Variants in CACNA1C observed in about 807,000 individuals in gnomAD.
The protein encoded by CACNA1C is voltage-dependent L-type calcium channel subunit alpha-1C.
CACNA1C carries 30 observed loss-of-function variants against 229.0 expected under a neutral mutation model. The ratio of observed to expected loss-of-function variants is 0.13; its 90% CI spans 0.10 to 0.18. CACNA1C has a LOEUF of 0.18. Ranked by LOEUF, CACNA1C falls within the 10% of genes least tolerant of loss-of-function variation. The pLI, the probability that CACNA1C is intolerant of heterozygous loss-of-function variation, is 1.00. For synonymous variants in CACNA1C, 1,114 were observed against 1,132.5 expected (o/e 0.98, Z 0.33); for missense variants, 1,658 against 2,845.0 (o/e 0.58, Z 9.49).
Position 2,512,807 on chromosome 12 carries a change from A to G in CACNA1C, c.1218-5A>G, listed in dbSNP as rs1228161630. 3 of 1,606,446 alleles carry G rather than the reference A, an allele frequency of 1.9e-6. No homozygotes were observed. On this transcript the variant is annotated splice_polypyrimidine_tract_variant and splice_region_variant and intron_variant, in intron 8 of 46. Coordinates refer to ENST00000399655, the MANE Select transcript of CACNA1C (RefSeq NM_000719.7). The surrounding 1 kb of genome is among the most constrained non-coding windows in gnomAD (Gnocchi z 4.3). The stretch of plus-strand genomic sequence containing the variant: ...CTGCCCTGCCCCTCCTCTCACTCTC[A>G]CCAGAGAGTTTTCCAAAGAGAGGGA...
intron 1 of CACNA1C, among the ~76,000 whole-genome samples, chr12:2,024,260 G>T (rs1244944861): frequency 6.6e-6 from 1 of 152,216 alleles, no homozygotes; most frequent in Non-Finnish European, 1.5e-5. Flanking sequence ...TCCACGTATG[G>T]CCCAGGAATC....
chr12:2,401,265 G>T (rs1286765914), intron 3 of CACNA1C, among the ~76,000 whole-genome samples: 1 of 152,232 alleles, frequency 6.6e-6, no homozygotes, highest in Non-Finnish European at 1.5e-5. Context: ...CCCAGTGCCA[G>T]GCTGCGCACA....
In CACNA1C at chr12:2,075,024, G is replaced by A. The variant is rs541367498; in HGVS notation, c.49+21413G>A. Among the ~76,000 whole-genome samples, 4 of 152,318 alleles carry A rather than the reference G, an allele frequency of 2.6e-5. No homozygotes were observed. The South Asian group carries it at 8.3e-4, about 32-fold the overall frequency. On this transcript the variant is annotated intron_variant, in intron 1 of 46. Coordinates refer to ENST00000399655, the MANE Select transcript of CACNA1C (RefSeq NM_000719.7). ...CCAGTGGAGACGTCCAAGGGATGTA[G>A]GGCCATTTACTTAACATAAATCAGT...
intron 3 of CACNA1C, among the ~76,000 whole-genome samples, chr12:2,361,884 A>T (rs2097566996): frequency 6.6e-6 from 1 of 152,260 alleles, no homozygotes; most frequent in Non-Finnish European, 1.5e-5. Flanking sequence ...GCTATAACAT[A>T]GCACAGGAAA....
At chr12:2,627,270 T>C (rs1032550270) in intron 29 of CACNA1C, among the ~76,000 whole-genome samples, 1 of 152,212 alleles carries the variant, frequency 6.6e-6, no homozygotes, top group Non-Finnish European at 1.5e-5. Flanking sequence ...TTATGCCTTC[T>C]CCATTAGGTG....
chr12:2,681,996 T>G, intron 42 of CACNA1C: 1 of 1,611,962 alleles, frequency 6.2e-7, no homozygotes. Flanking sequence ...CAGGAGGGAT[T>G]CAGGCTCAGC....
chr12:2,502,956 G>A (rs1195563095), intron 7 of CACNA1C, among the ~76,000 whole-genome samples: 2 of 152,172 alleles, frequency 1.3e-5, no homozygotes, highest in Non-Finnish European at 2.9e-5. Flanking sequence ...GGGGCATGGG[G>A]CAGGAATCTG....
chr12:2,543,181 T>C (rs2099875509), intron 9 of CACNA1C, among the ~76,000 whole-genome samples: 1 of 152,212 alleles, frequency 6.6e-6, no homozygotes, highest in African/African-American at 2.4e-5. Context: ...ACAAGCTTCC[T>C]GTATAGCTTT....
At chr12:2,151,617 ATGGGTCG>A (rs1156784868) in intron 3 of CACNA1C, among the ~76,000 whole-genome samples, 1 of 152,148 alleles carries the variant, frequency 6.6e-6, no homozygotes, top group East Asian at 1.9e-4. Flanking sequence ...TTGTCATAGA[ATGGGTCG>A]TGAAGCTGGG....
chr12:2,226,805 G>A (rs2063139812), intron 3 of CACNA1C, among the ~76,000 whole-genome samples: 1 of 152,240 alleles, frequency 6.6e-6, no homozygotes, highest in Non-Finnish European at 1.5e-5. Flanking sequence ...TTCAGCACGA[G>A]TTTCAAGTAT....
In CACNA1C at chr12:2,371,724, C is replaced by CTTTTTTTTTTTTTTTT. The variant is rs61627008; in HGVS notation, c.478-77245_478-77230dup. 5.4e-5 allele frequency among the ~76,000 whole-genome samples: 7 copies of CTTTTTTTTTTTTTTTT among 129,016 alleles called. 3 individuals are homozygous for CTTTTTTTTTTTTTTTT. Among genetic ancestry groups the CTTTTTTTTTTTTTTTT allele is most frequent in the South Asian group, 5.0e-4 (2 of 3,970 alleles). 84.6% of individuals were successfully genotyped at this position (129,016 alleles called of 152,430 possible). ...CAAGCACATACTAAATGACATATGGCTTTTTTTTTTTTTTTTTTTTTTAAT... is the reference window on the plus strand; with the variant it reads ...CAAGCACATACTAAATGACATATGGCTTTTTTTTTTTTTTTTTTTTTTTTTTTTTTTTTTTTTTAAT... On this transcript the variant is annotated intron_variant, in intron 3 of 46. Transcript: ENST00000399655.
chr12:2,555,094 G>A (rs991407947), intron 10 of CACNA1C, among the ~76,000 whole-genome samples: 5 of 152,228 alleles, frequency 3.3e-5, no homozygotes, highest in Non-Finnish European at 5.9e-5. Flanking sequence ...GAATGTGCCC[G>A]GATGCCACAG....
At position 2,633,727 on chromosome 12, in the gene CACNA1C, GC is replaced by G; in HGVS notation, c.3829-567del. The G allele has an allele frequency of 6.8e-7, 1 of 1,464,650 alleles. No individual in the cohort carries two copies. Among genetic ancestry groups the G allele is most frequent in the Non-Finnish European group, 9.6e-7 (1 of 1,044,792 alleles). The allele number at this position is 1,464,650 out of a possible 1,614,324, so 90.7% of individuals were successfully genotyped here. A position where few individuals can be genotyped will look rare whatever the true frequency, so the allele number is the denominator to read the frequency against. On this transcript the variant is annotated intron_variant, in intron 29 of 46. Transcript: ENST00000399655. This position sits in a 1 kb window ranked among gnomAD's most constrained non-coding sequence, Gnocchi z 5.8. ...GTGAGACTAATGTGAGTATTACTCT[GC>G]CCTCCCCAGGAAACCTCCTCATTCC...
At chr12:2,020,867 G>A (rs555058690) in intron 1 of CACNA1C, among the ~76,000 whole-genome samples, 75 of 152,276 alleles carry the variant, frequency 4.9e-4, no homozygotes, top group Middle Eastern at 6.8e-3. Context: ...GAACTCATTA[G>A]CTCCTCTCAA....
At chr12:2,130,246 CT>C (rs2154170468) in intron 3 of CACNA1C, among the ~76,000 whole-genome samples, 1 of 137,830 alleles carries the variant, frequency 7.3e-6, no homozygotes, top group East Asian at 2.1e-4. Context: ...TACCTTTGAG[CT>C]TATTAACCAG....
At chr12:2,044,692 C>T (rs151269040) in intron 1 of CACNA1C, among the ~76,000 whole-genome samples, 4 of 152,268 alleles carry the variant, frequency 2.6e-5, no homozygotes, top group African/African-American at 4.8e-5. Context: ...TTGGAATCTA[C>T]AATTACAAGA....
At chr12:2,072,041 G>A (rs1000935399) in intron 1 of CACNA1C, among the ~76,000 whole-genome samples, 8 of 152,134 alleles carry the variant, frequency 5.3e-5, no homozygotes, top group African/African-American at 1.7e-4. Context: ...GAAAGTATTC[G>A]TATATTTACC....
chr12:2,191,988 G>A lies in CACNA1C; in HGVS notation c.477+71558G>A, dbSNP rs200807527. On this transcript the variant is annotated intron_variant, in intron 3 of 46. Transcript: ENST00000399655. ...CTCACAGGCACACGTGTACACGCAC[G>A]CACACATGTATTCACACACATACGT... Among the ~76,000 whole-genome samples, 190 of 151,220 alleles carry A rather than the reference G, an allele frequency of 1.3e-3. No individual in the cohort carries two copies. The East Asian group carries it at 0.026, about 21-fold the overall frequency.
At chr12:2,115,588 A>ACGCTGGGTCCAGCCCTC in intron 2 of CACNA1C, 43 bp downstream of exon 2, 1 of 1,587,654 alleles carries the variant, frequency 6.3e-7, no homozygotes, top group South Asian at 1.1e-5. Flanking sequence ...TGGGACCTGC[A>ACGCTGGGTCCAGCCCTC]CGCTGGGTCC....
Sources: allele counts gnomAD v4.1 joint callset (sites outside exome capture counted in the v4.1 genomes callset), GRCh38; gene constraint gnomAD v4.1.1; non-coding constraint Gnocchi (gnomAD v3.1); transcripts MANE v1.5; gene names NCBI Gene and HGNC (gene_info 2026-07-23, HGNC 2026-07-21).